Variants in CTNNA3 observed in about 807,000 individuals in gnomAD.
The protein encoded by CTNNA3 is catenin alpha-3.
A neutral mutation model predicts 95.7 loss-of-function variants in CTNNA3; 76 were observed. The ratio of observed to expected loss-of-function variants is 0.79; its 90% CI spans 0.66 to 0.96. The LOEUF is 0.96. Ranked by LOEUF, CTNNA3 falls within the 40% of genes least tolerant of loss-of-function variation. The probability of loss-of-function intolerance (pLI) is 0.00; values close to 1 mark genes in which losing one functional copy is unlikely to be tolerated. For missense variants in CTNNA3, 1,191 were observed against 1,089.8 expected (o/e 1.09, Z -1.31); for synonymous variants, 431 against 374.4 (o/e 1.15, Z -1.74).
At chr10:67,397,775 C>T (rs1401053594) in intron 5 of CTNNA3, among the ~76,000 whole-genome samples, 1 of 152,202 alleles carries the variant, frequency 6.6e-6, no homozygotes, top group African/African-American at 2.4e-5. Flanking sequence ...AGACTTGGGA[C>T]TTGGTGCCCT....
At chr10:66,790,118 C>T (rs1840908727) in intron 7 of CTNNA3, among the ~76,000 whole-genome samples, 1 of 152,084 alleles carries the variant, frequency 6.6e-6, no homozygotes, top group African/African-American at 2.4e-5. Context: ...ACTCTATAGA[C>T]TAAAAATACT....
At chr10:67,695,361 A>G (rs1840944008) in intron 1 of CTNNA3, among the ~76,000 whole-genome samples, 1 of 152,100 alleles carries the variant, frequency 6.6e-6, no homozygotes, top group Non-Finnish European at 1.5e-5. Context: ...GCTGCTCACA[A>G]TCATTCAGAT....
chr10:66,696,770 T>TAA (rs34725693), intron 9 of CTNNA3, among the ~76,000 whole-genome samples: 25,839 of 149,444 alleles, frequency 0.17, 2,736 homozygotes, highest in East Asian at 0.33. Context: ...CTGTCTCTAT[T>TAA]AAAAAAAAAA....
At chr10:66,333,099 C>T (rs1229071903) in intron 12 of CTNNA3, among the ~76,000 whole-genome samples, 3 of 151,500 alleles carry the variant, frequency 2.0e-5, no homozygotes, top group Non-Finnish European at 4.4e-5. Context: ...TTTATTGAAT[C>T]TATTTGATTC....
At chr10:66,810,229 A>G (rs1480111995) in intron 7 of CTNNA3, among the ~76,000 whole-genome samples, 3 of 152,350 alleles carry the variant, frequency 2.0e-5, no homozygotes, top group Admixed American at 2.0e-4. Flanking sequence ...TTTTAAGCAG[A>G]GGAGTGAAAG....
At chr10:67,759,827 C>A (rs908122171) in intron 1 of CTNNA3, among the ~76,000 whole-genome samples, 11 of 152,068 alleles carry the variant, frequency 7.2e-5, no homozygotes, top group Admixed American at 7.2e-4. Context: ...TGACAACCAG[C>A]AAGTCTTACA....
intron 10 of CTNNA3, among the ~76,000 whole-genome samples, chr10:66,557,868 C>A (rs117747223): frequency 0.02 from 3,091 of 151,924 alleles, 60 homozygotes; most frequent in Non-Finnish European, 0.032. Flanking sequence ...TTCCTGTTAC[C>A]AATTTTGAGT....
chr10:66,917,354 T>C (rs1192496964), intron 7 of CTNNA3, among the ~76,000 whole-genome samples: 1 of 152,168 alleles, frequency 6.6e-6, no homozygotes, highest in Non-Finnish European at 1.5e-5. Context: ...ACTGTTCAAC[T>C]GGGAATGGCC....
intron 5 of CTNNA3, among the ~76,000 whole-genome samples, chr10:67,454,341 C>T (rs886374882): frequency 6.6e-6 from 1 of 152,096 alleles, no homozygotes; most frequent in South Asian, 2.1e-4. Context: ...CACAACTGAG[C>T]TTATGTTTCC....
intron 7 of CTNNA3, chr10:66,928,218 C>T (rs1274689551): frequency 6.2e-7 from 1 of 1,614,044 alleles, no homozygotes; most frequent in Non-Finnish European, 8.5e-7. Flanking sequence ...TGCTCGTCAT[C>T]CTGCTGGTTA....
chr10:67,317,041 T>TA (rs1477933593), intron 5 of CTNNA3, among the ~76,000 whole-genome samples: 1 of 152,214 alleles, frequency 6.6e-6, no homozygotes, highest in African/African-American at 2.4e-5. Flanking sequence ...TCTTTATGCT[T>TA]AAAAGCAGTA....
At chr10:66,969,221 T>C (rs1242803110) in intron 7 of CTNNA3, among the ~76,000 whole-genome samples, 2 of 152,086 alleles carry the variant, frequency 1.3e-5, no homozygotes, top group African/African-American at 4.8e-5. Context: ...CAAACATTCA[T>C]ACATCTATGC....
intron 2 of CTNNA3, among the ~76,000 whole-genome samples, chr10:67,647,173 TA>T (rs1839741424): frequency 1.4e-5 from 2 of 142,726 alleles, no homozygotes; most frequent in South Asian, 2.2e-4. Context: ...TATATATATA[TA>T]TATTATTACT....
intron 2 of CTNNA3, among the ~76,000 whole-genome samples, chr10:67,630,483 T>C (rs373691225): frequency 6.6e-6 from 1 of 152,186 alleles, no homozygotes; most frequent in Non-Finnish European, 1.5e-5. Context: ...ACATTGAACA[T>C]GTAGCTTGAG....
At chr10:66,444,326 C>T (rs542646749) in intron 11 of CTNNA3, among the ~76,000 whole-genome samples, 4 of 151,960 alleles carry the variant, frequency 2.6e-5, no homozygotes, top group Non-Finnish European at 5.9e-5. Flanking sequence ...ACAGAGAACA[C>T]CACAAAGATA....
At chr10:67,169,284 G>C (rs1383042300) in intron 7 of CTNNA3, among the ~76,000 whole-genome samples, 1 of 151,800 alleles carries the variant, frequency 6.6e-6, no homozygotes. Flanking sequence ...TAGAGAAAAT[G>C]ATTTTAAAAT....
intron 7 of CTNNA3, among the ~76,000 whole-genome samples, chr10:67,035,434 T>C (rs1358617465): frequency 6.6e-6 from 1 of 152,206 alleles, no homozygotes. Context: ...CCTTTGAAGT[T>C]GTTGCTCTTG....
At chr10:66,561,680 T>C (rs1842557375) in intron 10 of CTNNA3, among the ~76,000 whole-genome samples, 2 of 152,076 alleles carry the variant, frequency 1.3e-5, no homozygotes, top group South Asian at 2.1e-4. Context: ...AGCAAGGAGA[T>C]TGTGGACCTG....
Position 66,131,959 on chromosome 10 carries a change from C to A in CTNNA3, c.1885-28710G>T, listed in dbSNP as rs112789858. On this transcript the variant is annotated intron_variant, in intron 13 of 17. Coordinates refer to ENST00000433211, the MANE Select transcript of CTNNA3 (RefSeq NM_013266.4). The stretch of plus-strand genomic sequence containing the variant: ...AAAATTATAAAAACCTTGGAAGAAA[C>A]CTAGGCAATACCATTCAGGACGTGG... 3.7e-3 allele frequency among the ~76,000 whole-genome samples: 559 copies of A among 152,146 alleles called. 1 individual carries two copies. The highest frequency in any genetic ancestry group is 5.4e-3 in the Non-Finnish European group (366 of 67,976).
Sources: allele counts gnomAD v4.1 joint callset (sites outside exome capture counted in the v4.1 genomes callset), GRCh38; gene constraint gnomAD v4.1.1; transcripts MANE v1.5; gene names NCBI Gene and HGNC (gene_info 2026-07-23, HGNC 2026-07-21).